Variants in MYO9A observed in about 807,000 individuals in gnomAD.
MYO9A encodes myosin IXA, also known as unconventional myosin-IXa.
MYO9A carries 103 observed loss-of-function variants against 293.3 expected under a neutral mutation model. The ratio of observed to expected loss-of-function variants is 0.35; its 90% confidence interval spans 0.30 to 0.41. The LOEUF (loss-of-function observed/expected upper bound fraction) is 0.41, where lower values mean the gene tolerates loss of function less well. Among genes scored for constraint, MYO9A ranks in the 10% least tolerant of loss-of-function variants. The pLI, the probability that MYO9A is intolerant of heterozygous loss-of-function variation, is 1.00. For synonymous variants in MYO9A, 1,001 were observed against 1,035.7 expected, an observed-to-expected ratio of 0.97 and a Z score of 0.64; for missense variants, 2,685 against 3,033.0, an observed-to-expected ratio of 0.89 and a Z score of 2.69.
At chr15:71,968,802 G>A (rs1426610838) in intron 12 of MYO9A, among the ~76,000 whole-genome samples, 1 of 152,180 alleles carries the variant, frequency 6.6e-6, no homozygotes, top group Non-Finnish European at 1.5e-5. Flanking sequence ...TAAAGGTTGG[G>A]AAGGGTTTCA....
In MYO9A at chr15:71,897,676, T is replaced by C. The variant is rs541271778; in HGVS notation, c.4827A>G (p.Gly1609=). The C allele has an allele frequency of 1.2e-5, 19 of 1,614,156 alleles. No individual in the cohort carries two copies. The African/African-American group carries it at 2.5e-4, about 22-fold the overall frequency. ...TGACAGTACTAGATTGGCATGGACTTCCTTTTCTTTCAAAGAACACGGTGA... is the reference window on the plus strand; with the variant it reads ...TGACAGTACTAGATTGGCATGGACTCCCTTTTCTTTCAAAGAACACGGTGA... ...RPVTVFFERK[G]SPCQSSTVKE... is the part of the protein sequence containing the mutation. Residue 1609 remains glycine, a synonymous_variant, in exon 25 of 42, where the codon GGA becomes GGG. Coordinates refer to ENST00000356056, the MANE Select transcript of MYO9A (RefSeq NM_006901.4).
intron 1 of MYO9A, among the ~76,000 whole-genome samples, chr15:72,068,272 TG>T (rs1366778327): frequency 6.6e-6 from 1 of 152,196 alleles, no homozygotes; most frequent in Non-Finnish European, 1.5e-5. Flanking sequence ...TCTGAAATTC[TG>T]TAATATTTAT....
intron 19 of MYO9A, among the ~76,000 whole-genome samples, chr15:71,912,260 T>TG (rs1448846449): frequency 6.6e-6 from 1 of 150,788 alleles, no homozygotes; most frequent in African/African-American, 2.4e-5. Flanking sequence ...AGAGAAAAGT[T>TG]TTTTTTTTTT....
intron 39 of MYO9A, among the ~76,000 whole-genome samples, chr15:71,842,856 C>T (rs1376822170): frequency 2.1e-5 from 3 of 139,744 alleles, no homozygotes; most frequent in Admixed American, 7.2e-5. Context: ...CGAGACTCCA[C>T]CTCAAAAAAA....
rs532623604 is a variant in MYO9A at position 72,049,577 on chromosome 15, G to A, written c.-71-2943C>T. On this transcript the variant is annotated intron_variant, in intron 1 of 41. Coordinates refer to ENST00000356056, the MANE Select transcript of MYO9A (RefSeq NM_006901.4). ...TCCATGGCCTGTCAGAAACTGGGCC[G>A]CACAGCAGAAGATGAGCAGCAGGCA... is the stretch of plus-strand genomic sequence containing the variant. 9.5e-4 allele frequency among the ~76,000 whole-genome samples: 145 copies of A among 152,304 alleles called. 1 individual carries two copies. Among genetic ancestry groups the A allele is most frequent in the African/African-American group, 3.4e-3 (141 of 41,558 alleles).
chr15:72,050,222 A>T (rs1014751579), intron 1 of MYO9A, among the ~76,000 whole-genome samples: 22 of 151,830 alleles, frequency 1.4e-4, no homozygotes, highest in African/African-American at 5.3e-4. Flanking sequence ...CATCTTGATC[A>T]CAAGCCAGTC....
intron 18 of MYO9A, among the ~76,000 whole-genome samples, chr15:71,919,459 A>G (rs2058097581): frequency 6.6e-6 from 1 of 151,894 alleles, no homozygotes; most frequent in Non-Finnish European, 1.5e-5. Context: ...CAAAAAATAA[A>G]TAAGAGATAA....
intron 1 of MYO9A, among the ~76,000 whole-genome samples, chr15:72,100,698 G>A (rs1430501331): frequency 5.9e-5 from 9 of 151,378 alleles, no homozygotes; most frequent in South Asian, 2.1e-4. Context: ...CGCCCCGTCT[G>A]AGAAGTGAGG....
chr15:71,975,342 C>T (rs1436986978), intron 12 of MYO9A, among the ~76,000 whole-genome samples: 1 of 128,678 alleles, frequency 7.8e-6, no homozygotes, highest in Non-Finnish European at 1.6e-5. Context: ...GTCCATGGTT[C>T]CTGACTTATT....
At chr15:72,000,705 T>C (rs2076838794) in intron 8 of MYO9A, among the ~76,000 whole-genome samples, 2 of 152,166 alleles carry the variant, frequency 1.3e-5, no homozygotes, top group South Asian at 4.1e-4. Flanking sequence ...AGTGGTGCGA[T>C]CTCAATTCAT....
chr15:71,919,841 C>CAAAAAAAAAAAAAAAAAAAA (rs373980359), intron 18 of MYO9A, among the ~76,000 whole-genome samples: 1 of 82,482 alleles, frequency 1.2e-5, no homozygotes. Context: ...GACTCCATCT[C>CAAAAAAAAAAAAAAAAAAAA]AAAAAAAAAA....
At chr15:72,049,290 A>G (rs1353205023) in intron 1 of MYO9A, among the ~76,000 whole-genome samples, 1 of 152,218 alleles carries the variant, frequency 6.6e-6, no homozygotes, top group African/African-American at 2.4e-5. Flanking sequence ...CAGTTATCTC[A>G]TAAATATTTT....
intron 15 of MYO9A, among the ~76,000 whole-genome samples, chr15:71,942,464 C>T (rs1439441302): frequency 6.6e-6 from 1 of 151,910 alleles, no homozygotes; most frequent in Non-Finnish European, 1.5e-5. Flanking sequence ...CAGTTTAGTC[C>T]ATTTTAACTT....
At chr15:71,830,505 G>A (rs183191754) in intron 39 of MYO9A, among the ~76,000 whole-genome samples, 194 bp from the exon 40 acceptor site, 52 of 152,356 alleles carry the variant, frequency 3.4e-4, no homozygotes, top group Non-Finnish European at 6.8e-4. Context: ...TCTTGCAGGA[G>A]TACTGGAAAA....
intron 35 of MYO9A, 120 bp downstream of exon 35, chr15:71,854,256 GA>G (rs1306896470): frequency 1.5e-4 from 126 of 815,420 alleles, no homozygotes; most frequent in Non-Finnish European, 1.9e-4. Flanking sequence ...AAGCATCACA[GA>G]AAAGAATGCA....
chr15:72,023,695 C>CAAA (rs368209775), intron 4 of MYO9A, among the ~76,000 whole-genome samples: 34 of 51,306 alleles, frequency 6.6e-4, no homozygotes, highest in East Asian at 5.8e-3. Flanking sequence ...AACTCTGTCT[C>CAAA]AAAAAAAAAA....
chr15:71,848,908 G>A lies in MYO9A; in HGVS notation c.6774C>T (p.Ile2258=), dbSNP rs185530887. 3.7e-5 allele frequency: 59 copies of A among 1,612,448 alleles called. No individual in the cohort carries two copies. The highest frequency in any genetic ancestry group is 4.8e-5 in the Non-Finnish European group (57 of 1,179,624). ...TATTCTCAGCAAATTCCAAGCTACT[G>A]ATATCTTTGAGACGAGCCTTGTATT... ...MNKYKARLKD[I]SSLEFAENKA... The change falls in exon 39 of 42, where the codon ATC becomes ATT. Residue 2258 remains isoleucine, a synonymous_variant. Transcript: ENST00000356056.
At chr15:71,938,979 A>G (rs756697984) in intron 15 of MYO9A, 52 bp from the exon 16 acceptor site, 1 of 1,392,382 alleles carries the variant, frequency 7.2e-7, no homozygotes, top group Admixed American at 2.1e-5. Context: ...AGAAAAATGA[A>G]ACGTGAAATA....
intron 1 of MYO9A, among the ~76,000 whole-genome samples, chr15:72,097,476 TAA>T (rs2080101697): frequency 1.3e-5 from 2 of 152,236 alleles, no homozygotes; most frequent in East Asian, 1.9e-4. Context: ...AGTATAAACA[TAA>T]GTCTTATACG....
Sources: gnomAD v4.1 joint callset for allele counts (sites outside exome capture counted in the v4.1 genomes callset) on GRCh38, gnomAD v4.1.1 for gene constraint, MANE v1.5 for transcripts, NCBI Gene and HGNC (gene_info 2026-07-23, HGNC 2026-07-21) for gene names.